NELL1: variants seen among roughly 807,000 people sequenced by gnomAD.
NELL1 encodes the protein neural EGFL like 1.
A neutral mutation model predicts 107.4 loss-of-function variants in NELL1; 76 were observed. That is an observed-to-expected ratio of 0.71 (90% CI 0.59 to 0.86). NELL1 has a LOEUF of 0.86. Ranked by LOEUF, NELL1 falls within the 40% of genes least tolerant of loss-of-function variation. NELL1 has a pLI of 0.00. For missense variants in NELL1, 1,024 were observed against 1,005.5 expected, an observed-to-expected ratio of 1.02 and a Z score of -0.25; for synonymous variants, 353 against 341.2, an observed-to-expected ratio of 1.03 and a Z score of -0.38.
chr11:21,143,823 C>T (rs1171374482), intron 13 of NELL1, among the ~76,000 whole-genome samples: 2 of 152,038 alleles, frequency 1.3e-5, no homozygotes, highest in East Asian at 3.9e-4. Context: ...AGATGAATAC[C>T]CATCAATGTT....
intron 12 of NELL1, among the ~76,000 whole-genome samples, chr11:21,081,360 G>C (rs145862847): frequency 3.9e-5 from 6 of 152,096 alleles, no homozygotes; most frequent in Non-Finnish European, 4.4e-5. Flanking sequence ...AGTTTTCTAG[G>C]CTTCCAACCT....
At chr11:21,424,622 AAAAC>A (rs1464625415) in intron 15 of NELL1, among the ~76,000 whole-genome samples, 6 of 152,148 alleles carry the variant, frequency 3.9e-5, no homozygotes, top group African/African-American at 7.2e-5. Flanking sequence ...CTCTATCTCA[AAAAC>A]AAACAAACAA....
chr11:20,790,946 A>G (rs1449178639), intron 3 of NELL1, among the ~76,000 whole-genome samples: 1 of 152,136 alleles, frequency 6.6e-6, no homozygotes, highest in Non-Finnish European at 1.5e-5. Flanking sequence ...ATTGATCTAT[A>G]TGTTTATCCA....
At chr11:20,755,545 T>TTTTATTTTTTATTTTA (rs1564894973) in intron 2 of NELL1, among the ~76,000 whole-genome samples, 1 of 40,498 alleles carries the variant, frequency 2.5e-5, no homozygotes, top group African/African-American at 7.8e-5. Context: ...TTTTTGTTTT[T>TTTTATTTTTTATTTTA]TTTTGTTTTT....
chr11:21,366,394 G>T (rs1192165167), intron 14 of NELL1, among the ~76,000 whole-genome samples: 2 of 152,086 alleles, frequency 1.3e-5, no homozygotes, highest in Admixed American at 6.6e-5. Context: ...TGGATTTTAG[G>T]CAGACATGGT....
At chr11:21,248,411 G>A (rs1422835902) in intron 14 of NELL1, among the ~76,000 whole-genome samples, 1 of 152,032 alleles carries the variant, frequency 6.6e-6, no homozygotes, top group Non-Finnish European at 1.5e-5. Flanking sequence ...GAGAGGAAGT[G>A]CAGTATCTGA....
intron 2 of NELL1, among the ~76,000 whole-genome samples, chr11:20,781,068 G>C (rs777377915): frequency 1.3e-5 from 2 of 152,208 alleles, no homozygotes; most frequent in Admixed American, 6.5e-5. Flanking sequence ...AAAGAAGGCA[G>C]TATGGAAGCA....
intron 2 of NELL1, among the ~76,000 whole-genome samples, chr11:20,683,996 T>G (rs1021851118): frequency 1.3e-5 from 2 of 151,552 alleles, no homozygotes; most frequent in Non-Finnish European, 2.9e-5. Context: ...CCATTATGTC[T>G]TCAAATATTT....
intron 3 of NELL1, among the ~76,000 whole-genome samples, chr11:20,802,231 C>G (rs1021159893): frequency 1.1e-4 from 16 of 151,942 alleles, no homozygotes; most frequent in African/African-American, 3.9e-4. Context: ...GAATGTTTTT[C>G]CATTTGTGTG....
intron 12 of NELL1, among the ~76,000 whole-genome samples, chr11:21,060,345 G>A (rs9666195): frequency 0.42 from 64,419 of 151,994 alleles, 14,785 homozygotes; most frequent in African/African-American, 0.61. Context: ...ATCAAACTAT[G>A]CATGTTAATA....
chr11:20,793,033 A>G (rs1005861822), intron 3 of NELL1, among the ~76,000 whole-genome samples: 1 of 151,964 alleles, frequency 6.6e-6, no homozygotes, highest in Non-Finnish European at 1.5e-5. Flanking sequence ...ATGTAATTAG[A>G]TGTAAATAAT....
chr11:21,177,325 T>G (rs1319150076), intron 13 of NELL1, among the ~76,000 whole-genome samples: 1 of 151,782 alleles, frequency 6.6e-6, no homozygotes, highest in East Asian at 1.9e-4. Context: ...TGAGTTTGAC[T>G]TTTTTAGATT....
At chr11:21,149,899 T>C (rs1414284961) in intron 13 of NELL1, among the ~76,000 whole-genome samples, 1 of 152,108 alleles carries the variant, frequency 6.6e-6, no homozygotes, top group Non-Finnish European at 1.5e-5. Context: ...ACAAACACTA[T>C]GACGGAAACA....
intron 11 of NELL1, among the ~76,000 whole-genome samples, chr11:20,956,678 C>T (rs912066011): frequency 1.5e-4 from 23 of 151,878 alleles, no homozygotes; most frequent in Non-Finnish European, 2.4e-4. Context: ...TAATCTCATC[C>T]GTTCGCCATA....
intron 2 of NELL1, among the ~76,000 whole-genome samples, chr11:20,680,751 G>A (rs1287804002): frequency 6.6e-6 from 1 of 152,064 alleles, no homozygotes; most frequent in Non-Finnish European, 1.5e-5. Context: ...TTTTCATGAA[G>A]GATAGCATTT....
At chr11:21,439,574 A>G (rs1028370026) in intron 15 of NELL1, among the ~76,000 whole-genome samples, 2 of 152,082 alleles carry the variant, frequency 1.3e-5, no homozygotes, top group Non-Finnish European at 2.9e-5. Context: ...AAATGGATTA[A>G]AGCATACAAA....
intron 14 of NELL1, among the ~76,000 whole-genome samples, chr11:21,309,305 TATATATA>T (rs1565160620): frequency 3.7e-5 from 5 of 135,396 alleles, no homozygotes; most frequent in South Asian, 2.3e-4. Context: ...TATATGTATA[TATATATA>T]ATATATATAT....
intron 13 of NELL1, among the ~76,000 whole-genome samples, chr11:21,131,227 T>A (rs1223973808): frequency 1.3e-5 from 2 of 152,200 alleles, no homozygotes; most frequent in African/African-American, 2.4e-5. Flanking sequence ...TAATTTATAT[T>A]ATCTATAACA....
At chr11:20,938,914 C>G (rs970132675) in intron 10 of NELL1, among the ~76,000 whole-genome samples, 6 of 87,892 alleles carry the variant, frequency 6.8e-5, no homozygotes, top group South Asian at 3.0e-4. Context: ...CTCTGTCTCT[C>G]TCTCTCTCTC....
Sources: allele counts gnomAD v4.1 joint callset (sites outside exome capture counted in the v4.1 genomes callset), GRCh38; gene constraint gnomAD v4.1.1; transcripts MANE v1.5; gene names NCBI Gene and HGNC (gene_info 2026-07-23, HGNC 2026-07-21).